PRKN: variants seen among roughly 807,000 people sequenced by gnomAD.
PRKN encodes the protein parkin RBR E3 ubiquitin protein ligase.
In PRKN, 56 loss-of-function variants were observed where a neutral mutation model predicts 59.5. The observed-to-expected ratio is 0.94, with a 90% CI of 0.76 to 1.18. PRKN has a LOEUF of 1.18. Among genes scored for constraint, PRKN ranks in the 50% most tolerant of loss-of-function variants. The pLI is 0.00. For missense variants in PRKN, 657 were observed against 596.4 expected, an observed-to-expected ratio of 1.10 and a Z score of -1.06; for synonymous variants, 250 against 222.1, an observed-to-expected ratio of 1.13 and a Z score of -1.12.
At chr6:162,544,482 C>T (rs191420472) in intron 1 of PRKN, among the ~76,000 whole-genome samples, 120 of 152,174 alleles carry the variant, frequency 7.9e-4, no homozygotes, top group African/African-American at 2.8e-3. Context: ...CTTTATTTGA[C>T]GTTGCAGACT....
chr6:162,577,381 C>T (rs1467076167), intron 1 of PRKN, among the ~76,000 whole-genome samples: 1 of 151,446 alleles, frequency 6.6e-6, no homozygotes, highest in East Asian at 1.9e-4. Flanking sequence ...ACGTGGATCA[C>T]CTAAGGTCAG....
At position 161,444,012 on chromosome 6, in the gene PRKN, C is replaced by T. The variant is rs926301782; in HGVS notation, c.1084-57135G>A. On this transcript the variant is annotated intron_variant, in intron 9 of 11. Transcript: ENST00000366898. This position sits in a 1 kb window ranked among gnomAD's most constrained non-coding sequence, Gnocchi z 5.6. Reference sequence around the variant, plus strand: ...TACATGAAATTCGATTCAGTGTGCACGAACTAACTAGGAGGCGCCAGGCTT... The same window carrying T: ...TACATGAAATTCGATTCAGTGTGCATGAACTAACTAGGAGGCGCCAGGCTT... 4.6e-5 allele frequency among the ~76,000 whole-genome samples: 7 copies of T among 152,214 alleles called. No homozygotes were observed. The highest frequency in any genetic ancestry group is 1.3e-4 in the Admixed American group (2 of 15,290).
intron 4 of PRKN, among the ~76,000 whole-genome samples, chr6:162,115,145 C>A: frequency 6.6e-6 from 1 of 152,064 alleles, no homozygotes; most frequent in East Asian, 1.9e-4. Context: ...CACATATACA[C>A]CATGGAATAC....
chr6:161,738,416 T>A (rs1316515557), intron 7 of PRKN, among the ~76,000 whole-genome samples: 4 of 152,184 alleles, frequency 2.6e-5, no homozygotes, highest in African/African-American at 4.8e-5. Flanking sequence ...ATCTTAGTGG[T>A]GAGAGGCTTA....
At chr6:161,433,206 C>T (rs1028684265) in intron 9 of PRKN, among the ~76,000 whole-genome samples, 2 of 152,160 alleles carry the variant, frequency 1.3e-5, no homozygotes, top group East Asian at 1.9e-4. Flanking sequence ...TTATTTAGTG[C>T]TTACATTAAT....
chr6:162,057,843 C>G (rs1483372898), intron 4 of PRKN, among the ~76,000 whole-genome samples: 2 of 152,162 alleles, frequency 1.3e-5, no homozygotes, highest in Non-Finnish European at 2.9e-5. Flanking sequence ...TCTGGATAGT[C>G]ATAACATTCA....
intron 7 of PRKN, among the ~76,000 whole-genome samples, chr6:161,718,433 G>A (rs1053440508): frequency 6.6e-6 from 1 of 152,194 alleles, no homozygotes; most frequent in Admixed American, 6.5e-5. Context: ...ACTAGAGAGT[G>A]CATGTAGAAG....
intron 7 of PRKN, among the ~76,000 whole-genome samples, chr6:161,659,474 A>G (rs1312495772): frequency 6.6e-6 from 1 of 152,170 alleles, no homozygotes; most frequent in Non-Finnish European, 1.5e-5. Context: ...AGATTGAAGC[A>G]CAGAGCTTTC....
intron 8 of PRKN, among the ~76,000 whole-genome samples, chr6:161,568,369 G>A (rs1386188308): frequency 2.6e-5 from 4 of 152,152 alleles, no homozygotes; most frequent in Admixed American, 6.5e-5. Flanking sequence ...AGAGGCAGGC[G>A]GATCATGACG....
intron 4 of PRKN, among the ~76,000 whole-genome samples, chr6:162,184,214 A>G (rs368025201): frequency 6.6e-6 from 1 of 152,218 alleles, no homozygotes; most frequent in East Asian, 1.9e-4. Flanking sequence ...CAAATCCAAT[A>G]TTCAATAAGC....
At chr6:162,466,878 G>C (rs1791441644) in intron 1 of PRKN, among the ~76,000 whole-genome samples, 1 of 151,874 alleles carries the variant, frequency 6.6e-6, no homozygotes, top group Non-Finnish European at 1.5e-5. Flanking sequence ...GTAACTAAGA[G>C]CACGTTTATG....
intron 7 of PRKN, among the ~76,000 whole-genome samples, chr6:161,735,018 C>CA (rs111861396): frequency 0.023 from 2,294 of 97,760 alleles, 38 homozygotes; most frequent in African/African-American, 0.059. Context: ...TATAAACAAG[C>CA]AAAAAAAAAA....
rs866009638 is a variant in PRKN, at chr6:161,480,110, C to A, written c.1083+68744G>T. ...AGCCGTGTGCAGGCCATAGCATGAGCGAGAAATGAACTTTTGTTGGGTGAA... is the reference window on the plus strand; with the variant it reads ...AGCCGTGTGCAGGCCATAGCATGAGAGAGAAATGAACTTTTGTTGGGTGAA... On this transcript the variant is annotated intron_variant, in intron 9 of 11. Coordinates refer to ENST00000366898, the MANE Select transcript of PRKN (RefSeq NM_004562.3). This position sits in a 1 kb window ranked among gnomAD's most constrained non-coding sequence, Gnocchi z 4.1. Among the ~76,000 whole-genome samples the A allele has an allele frequency of 7.9e-5, 12 of 152,146 alleles. No homozygotes were observed. Among genetic ancestry groups the A allele is most frequent in the Non-Finnish European group, 1.8e-4 (12 of 68,032 alleles).
chr6:161,960,967 G>A (rs181413016), intron 6 of PRKN, among the ~76,000 whole-genome samples: 79 of 152,272 alleles, frequency 5.2e-4, no homozygotes, highest in African/African-American at 1.9e-3. Context: ...TACCTCTCCT[G>A]AACCCCAGTG....
At chr6:161,755,432 C>A (rs1480900222) in intron 7 of PRKN, among the ~76,000 whole-genome samples, 1 of 152,006 alleles carries the variant, frequency 6.6e-6, no homozygotes, top group Non-Finnish European at 1.5e-5. Flanking sequence ...TAACTGTTAA[C>A]ACAAAAGGGA....
At chr6:162,464,824 G>A (rs951255663) in intron 1 of PRKN, among the ~76,000 whole-genome samples, 6 of 150,224 alleles carry the variant, frequency 4.0e-5, no homozygotes, top group African/African-American at 7.4e-5. Flanking sequence ...GTGAGATTCC[G>A]TCTCAAAAAA....
chr6:161,827,497 C>T (rs1394838315), intron 6 of PRKN, among the ~76,000 whole-genome samples: 1 of 144,812 alleles, frequency 6.9e-6, no homozygotes, highest in East Asian at 2.1e-4. Flanking sequence ...GTATTCACCT[C>T]AATTGATTTT....
At chr6:162,129,534 G>A (rs1781257211) in intron 4 of PRKN, among the ~76,000 whole-genome samples, 2 of 152,076 alleles carry the variant, frequency 1.3e-5, no homozygotes, top group South Asian at 4.1e-4. Flanking sequence ...AAGGAAAATG[G>A]TAAACAAACA....
chr6:161,615,434 T>A (rs1782656849), intron 7 of PRKN, among the ~76,000 whole-genome samples: 2 of 152,254 alleles, frequency 1.3e-5, no homozygotes, highest in South Asian at 4.1e-4. Flanking sequence ...GTCAATACTT[T>A]CATGGCTGTT....
Sources: allele counts gnomAD v4.1 joint callset (sites outside exome capture counted in the v4.1 genomes callset), GRCh38; gene constraint gnomAD v4.1.1; non-coding constraint Gnocchi (gnomAD v3.1); transcripts MANE v1.5; gene names NCBI Gene and HGNC (gene_info 2026-07-23, HGNC 2026-07-21).